Variants in EYS observed in about 807,000 individuals in gnomAD.
EYS encodes the protein protein eyes shut homolog.
EYS carries 250 observed loss-of-function variants against 282.1 expected under a neutral mutation model. The observed-to-expected ratio is 0.89, with a 90% CI of 0.80 to 0.98. The LOEUF (loss-of-function observed/expected upper bound fraction) is 0.98, where lower values mean the gene tolerates loss of function less well. Among genes scored for constraint, EYS ranks in the 50% least tolerant of loss-of-function variants. The pLI is 0.00. For missense variants in EYS, 4,016 were observed against 3,709.0 expected, an observed-to-expected ratio of 1.08 and a Z score of -2.15; for synonymous variants, 1,355 against 1,282.9, an observed-to-expected ratio of 1.06 and a Z score of -1.20.
chr6:65,695,952 G>A (rs1476140131), intron 1 of EYS, among the ~76,000 whole-genome samples: 5 of 151,806 alleles, frequency 3.3e-5, no homozygotes, highest in Admixed American at 2.6e-4. Context: ...ACTCAAATTT[G>A]GTCTAAAATA....
At chr6:65,135,235 C>A (rs1775990766) in intron 12 of EYS, among the ~76,000 whole-genome samples, 1 of 151,960 alleles carries the variant, frequency 6.6e-6, no homozygotes, top group Non-Finnish European at 1.5e-5. Context: ...TAAATCACAT[C>A]ACCTTTTTAA....
chr6:64,484,827 A>G lies in EYS; in HGVS notation c.5645-45475T>C, dbSNP rs147256013. ...AGAGACTAAATGAGTTGCAAAGATAACAAAGGTAAGAAATACAACACATCT... is the reference window on the plus strand; with the variant it reads ...AGAGACTAAATGAGTTGCAAAGATAGCAAAGGTAAGAAATACAACACATCT... On this transcript the variant is annotated intron_variant, in intron 26 of 42. Transcript: ENST00000503581. 4.6e-5 allele frequency among the ~76,000 whole-genome samples: 7 copies of G among 151,690 alleles called. No individual in the cohort carries two copies. In the East Asian group the frequency reaches 1.2e-3, roughly 25 times the overall value.
At position 65,384,432 on chromosome 6, in the gene EYS, T is replaced by G; in HGVS notation, c.1253A>C (p.Asn418Thr). The change falls in exon 8 of 43, where the codon AAC becomes ACC. Residue 418 changes from asparagine to threonine, a missense_variant. Physicochemically the swap from Asn to Thr is moderately conservative, Grantham distance 65. Transcript: ENST00000503581. ...AIDHCKLLSI[N>T]CLNEEWCFNI... ...GAAACACCATTCTTCATTCAGACAGTTGATGCTGAGCAGTTTACAGTGGTC... is the reference window on the plus strand; with the variant it reads ...GAAACACCATTCTTCATTCAGACAGGTGATGCTGAGCAGTTTACAGTGGTC... 6.2e-7 allele frequency: 1 copy of G among 1,609,720 alleles called. No homozygotes were observed. Among genetic ancestry groups the G allele is most frequent in the South Asian group, 1.1e-5 (1 of 91,016 alleles).
At chr6:64,539,020 G>A (rs1435201818) in intron 26 of EYS, among the ~76,000 whole-genome samples, 1 of 152,124 alleles carries the variant, frequency 6.6e-6, no homozygotes, top group Non-Finnish European at 1.5e-5. Context: ...TTAAAACACA[G>A]ACTGTCATAT....
chr6:63,726,710 G>A (rs1365948887), intron 41 of EYS, 30 bp from the exon 42 acceptor site: 1 of 1,528,768 alleles, frequency 6.5e-7, no homozygotes, highest in Non-Finnish European at 8.8e-7. Context: ...AGAACTCTGG[G>A]AGTTATCTGC....
intron 33 of EYS, among the ~76,000 whole-genome samples, chr6:64,022,476 T>C (rs1170952865): frequency 6.6e-6 from 1 of 152,222 alleles, no homozygotes. Flanking sequence ...TTTTATAATG[T>C]TATGCAAATA....
At chr6:63,895,967 A>G (rs1164380301) in intron 35 of EYS, among the ~76,000 whole-genome samples, 5 of 143,852 alleles carry the variant, frequency 3.5e-5, no homozygotes, top group Non-Finnish European at 4.5e-5. Context: ...CAGAACTTCA[A>G]TGAACTTGGG....
At chr6:64,299,864 A>T (rs765392766) in intron 30 of EYS, among the ~76,000 whole-genome samples, 2 of 152,116 alleles carry the variant, frequency 1.3e-5, no homozygotes, top group Non-Finnish European at 2.9e-5. Flanking sequence ...GGCTTTGGTG[A>T]GGTTGGCTCT....
chr6:65,087,273 T>A (rs1401233216), intron 12 of EYS, among the ~76,000 whole-genome samples: 2 of 152,214 alleles, frequency 1.3e-5, no homozygotes, highest in South Asian at 2.1e-4. Flanking sequence ...TTGCAGATCA[T>A]CCTGAAAGCT....
chr6:64,580,048 T>C (rs1456424105), intron 26 of EYS, among the ~76,000 whole-genome samples: 2 of 152,146 alleles, frequency 1.3e-5, no homozygotes, highest in African/African-American at 2.4e-5. Context: ...CAGGGTGTTT[T>C]CCATTCCTAG....
intron 28 of EYS, among the ~76,000 whole-genome samples, chr6:64,389,889 A>G (rs1773050438): frequency 6.6e-6 from 1 of 152,122 alleles, no homozygotes; most frequent in African/African-American, 2.4e-5. Context: ...GGAGTGCCAG[A>G]CAGTGGGCGC....
chr6:65,645,010 T>C lies in EYS; in HGVS notation c.-447-5118A>G, dbSNP rs545730803. ...ATAACACAATGAAACAAACAAGGTATTCAGGCAACAAATAGCATGATGAAT... is the reference window on the plus strand; with the variant it reads ...ATAACACAATGAAACAAACAAGGTACTCAGGCAACAAATAGCATGATGAAT... On this transcript the variant is annotated intron_variant, in intron 1 of 42. Coordinates refer to ENST00000503581, the MANE Select transcript of EYS (RefSeq NM_001142800.2). Among the ~76,000 whole-genome samples the C allele has an allele frequency of 3.3e-5, 5 of 152,222 alleles. No homozygotes were observed. The South Asian group carries it at 1.0e-3, about 32-fold the overall frequency.
At chr6:65,649,655 C>A (rs905274880) in intron 1 of EYS, among the ~76,000 whole-genome samples, 1 of 152,084 alleles carries the variant, frequency 6.6e-6, no homozygotes, top group Non-Finnish European at 1.5e-5. Context: ...TTTTATTAGA[C>A]CATTGATGAG....
intron 29 of EYS, among the ~76,000 whole-genome samples, chr6:64,345,234 C>G (rs551291651): frequency 3.3e-5 from 5 of 152,076 alleles, no homozygotes. Context: ...AAAGAGCCCA[C>G]ATTGCCAAGT....
intron 2 of EYS, among the ~76,000 whole-genome samples, chr6:65,560,961 T>TA (rs1769031250): frequency 6.6e-6 from 1 of 152,100 alleles, no homozygotes; most frequent in African/African-American, 2.4e-5. Context: ...GACCTATTGG[T>TA]ACTTTGTTAT....
intron 12 of EYS, among the ~76,000 whole-genome samples, chr6:65,294,338 T>A (rs1324971877): frequency 6.6e-6 from 1 of 151,910 alleles, no homozygotes; most frequent in Non-Finnish European, 1.5e-5. Context: ...TTTTTTATAA[T>A]TCAGTGGAAA....
intron 42 of EYS, among the ~76,000 whole-genome samples, chr6:63,722,646 G>A (rs147713388): frequency 2.2e-4 from 34 of 152,244 alleles, no homozygotes; most frequent in African/African-American, 7.7e-4. Context: ...AAGTCTCCAC[G>A]AAACATTTTC....
chr6:63,739,859 A>ATT (rs34240759), intron 41 of EYS, among the ~76,000 whole-genome samples: 1,472 of 123,518 alleles, frequency 0.012, 31 homozygotes, highest in African/African-American at 0.043. Flanking sequence ...ACGCCCAGCT[A>ATT]TTTTTTTTTT....
At chr6:65,165,968 C>T (rs1317169733) in intron 12 of EYS, among the ~76,000 whole-genome samples, 1 of 150,860 alleles carries the variant, frequency 6.6e-6, no homozygotes, top group Non-Finnish European at 1.5e-5. Context: ...AATCAAGTCC[C>T]ATTAGCAACA....
Sources: allele counts gnomAD v4.1 joint callset (sites outside exome capture counted in the v4.1 genomes callset), GRCh38; gene constraint gnomAD v4.1.1; transcripts MANE v1.5; gene names NCBI Gene and HGNC (gene_info 2026-07-23, HGNC 2026-07-21).